The following EML5 variants were observed in gnomAD, a reference collection of about 807,000 sequenced individuals.
EML5 encodes EMAP like 5, also known as echinoderm microtubule-associated protein-like 5.
In EML5, 120 loss-of-function variants were observed where a neutral mutation model predicts 250.0. That is an observed-to-expected ratio of 0.48 (90% CI 0.41 to 0.56). The LOEUF is 0.56. Ranked by LOEUF, EML5 falls within the 20% of genes least tolerant of loss-of-function variation. EML5 has a pLI of 0.00. For missense variants in EML5, 2,006 were observed against 2,437.6 expected, an observed-to-expected ratio of 0.82 and a Z score of 3.73; for synonymous variants, 771 against 806.5, an observed-to-expected ratio of 0.96 and a Z score of 0.75.
At chr14:88,724,127 T>A (rs796953944) in intron 8 of EML5, among the ~76,000 whole-genome samples, 6 of 119,944 alleles carry the variant, frequency 5.0e-5, no homozygotes, top group East Asian at 2.9e-4. Flanking sequence ...AAAAAAAAAA[T>A]AGCTTGGCGT....
Position 88,663,037 on chromosome 14 carries a change from G to C in EML5, c.3492C>G (p.Ser1164Arg), listed in dbSNP as rs1337117801. ...APRGKKQTIP[S>R]VEVEKIAWAS... Reference sequence around the variant, plus strand: ...AGCACCACTGTTGTCCTACCTCCACGCTGGGGATGGTTTGTTTTTTCCCTC... The same window carrying C: ...AGCACCACTGTTGTCCTACCTCCACCCTGGGGATGGTTTGTTTTTTCCCTC... The change falls in exon 24 of 44, where the codon AGC becomes AGG. Residue 1164 changes from serine (S) to arginine (R), a missense_variant. Physicochemically the swap from Ser to Arg is moderately radical, Grantham distance 110. Coordinates refer to ENST00000554922, the MANE Select transcript of EML5 (RefSeq NM_183387.3). 2 of 1,550,500 alleles carry C rather than the reference G, an allele frequency of 1.3e-6. No individual in the cohort carries two copies. The highest frequency in any genetic ancestry group is 2.4e-5 in the East Asian group (1 of 40,926).
At chr14:88,719,461 C>T (rs892438301) in intron 8 of EML5, among the ~76,000 whole-genome samples, 4 of 152,176 alleles carry the variant, frequency 2.6e-5, no homozygotes, top group African/African-American at 9.6e-5. Context: ...GGAAACCTTA[C>T]TCCATCTTCA....
chr14:88,731,994 A>T (rs1478435889), intron 7 of EML5, among the ~76,000 whole-genome samples: 1 of 151,948 alleles, frequency 6.6e-6, no homozygotes, highest in Non-Finnish European at 1.5e-5. Flanking sequence ...GAGTGCAAAA[A>T]TTTTCTCCCA....
At chr14:88,712,504 T>A in intron 9 of EML5, 21 bp from the exon 10 acceptor site, 1 of 1,578,292 alleles carries the variant, frequency 6.3e-7, no homozygotes. Context: ...ATCAGAGTCT[T>A]AATTTAAAAA....
intron 19 of EML5, among the ~76,000 whole-genome samples, chr14:88,685,606 C>T (rs142163176): frequency 6.9e-4 from 105 of 152,108 alleles, no homozygotes; most frequent in African/African-American, 2.4e-3. Context: ...AACCCACATA[C>T]ATCATTCCAT....
At chr14:88,719,518 GTC>G (rs1186465911) in intron 8 of EML5, among the ~76,000 whole-genome samples, 2 of 152,176 alleles carry the variant, frequency 1.3e-5, no homozygotes, top group African/African-American at 4.8e-5. Flanking sequence ...CTATTATGAA[GTC>G]TCTCTCACTA....
chr14:88,726,551 G>C lies in EML5; in HGVS notation c.1177C>G (p.Leu393Val). 1 of 1,606,066 alleles carries C rather than the reference G, an allele frequency of 6.2e-7. No homozygotes were observed. The highest frequency in any genetic ancestry group is 2.2e-5 in the East Asian group (1 of 44,720). The stretch of plus-strand genomic sequence containing the variant: ...ACCCTAATACCATACCTTACTCTAA[G>C]TACAGTGAATGAGCCATCCTTCATT... ...LGMKDGSFTV[L>V]RVRDMTEVVH... Residue 393 changes from leucine (L) to valine (V), a missense_variant, in exon 8 of 44, where the codon CTT becomes GTT. Physicochemically the swap from Leu to Val is conservative, Grantham distance 32. Around this residue, in one of 7 missense-constraint regions of EML5, gnomAD observed 1,375 missense variants for 1,590.3 expected, o/e 0.86. Coordinates refer to ENST00000554922, the MANE Select transcript of EML5 (RefSeq NM_183387.3).
rs1232117607 is a variant in EML5 at position 88,712,523 on chromosome 14, A to C, written c.1445-40T>G. ...GAGTCTTAATTTAAAAAGTTATTTC[A>C]TTTGATTTTCTCAAGCCTAAACTGT... On this transcript the variant is annotated intron_variant, in intron 9 of 43. Transcript: ENST00000554922. 2.0e-6 allele frequency: 3 copies of C among 1,531,716 alleles called. No homozygotes were observed. The East Asian group carries it at 7.0e-5, about 36-fold the overall frequency. The allele number at this position is 1,531,716 out of a possible 1,614,324, so 94.9% of individuals were successfully genotyped here. A position where few individuals can be genotyped will look rare whatever the true frequency, so the allele number is the denominator to read the frequency against.
intron 29 of EML5, among the ~76,000 whole-genome samples, chr14:88,645,875 T>C (rs1426500322): frequency 9.9e-5 from 15 of 152,246 alleles, no homozygotes; most frequent in Admixed American, 9.8e-4. Context: ...GTTCAGGATC[T>C]ATTTATAATG....
intron 21 of EML5, among the ~76,000 whole-genome samples, chr14:88,679,048 T>C (rs1411293490): frequency 6.6e-6 from 1 of 151,720 alleles, no homozygotes; most frequent in Non-Finnish European, 1.5e-5. Flanking sequence ...GGTACATCAC[T>C]CCAATCCTCT....
chr14:88,678,612 C>G (rs1324412632), intron 21 of EML5, among the ~76,000 whole-genome samples: 1 of 152,024 alleles, frequency 6.6e-6, no homozygotes, highest in Non-Finnish European at 1.5e-5. Flanking sequence ...TTCCAAAATA[C>G]TCATAGTGAT....
chr14:88,761,571 C>A (rs2094244195), intron 1 of EML5, among the ~76,000 whole-genome samples: 1 of 152,148 alleles, frequency 6.6e-6, no homozygotes, highest in Non-Finnish European at 1.5e-5. Flanking sequence ...GTGTATGTGC[C>A]ACATTTTCTT....
At position 88,620,189 on chromosome 14, in the gene EML5, C is replaced by G. The variant is rs940499440; in HGVS notation, c.5375+565G>C. On this transcript the variant is annotated intron_variant, in intron 39 of 43. Coordinates refer to ENST00000554922, the MANE Select transcript of EML5 (RefSeq NM_183387.3). The surrounding 1 kb of genome is among the most constrained non-coding windows in gnomAD (Gnocchi z 4.3). Reference sequence around the variant, plus strand: ...TGATGAAAAGTGTACAAGCTTTTGACAGACCTAGATTCAATAATCTTATCT... The same window carrying G: ...TGATGAAAAGTGTACAAGCTTTTGAGAGACCTAGATTCAATAATCTTATCT... 6 of 152,216 alleles carry G rather than the reference C, an allele frequency of 3.9e-5. No individual in the cohort carries two copies. The highest frequency in any genetic ancestry group is 8.8e-5 in the Non-Finnish European group (6 of 68,048). The allele number at this position is 152,216 out of a possible 1,614,324, so 9.4% of individuals were successfully genotyped here.
chr14:88,748,056 T>C (rs886070112), intron 2 of EML5, among the ~76,000 whole-genome samples: 2 of 152,108 alleles, frequency 1.3e-5, no homozygotes, highest in African/African-American at 2.4e-5. Context: ...TTCTAGACCA[T>C]GGCACAGAAA....
rs568471310 is a variant in EML5, at chr14:88,752,268, A to C, written c.357+2244T>G. ...AAAGGGCAAATTTAAAGCTAAGAAGAAAATATCTATATTTAATGTTATAGA... is the reference window on the plus strand; with the variant it reads ...AAAGGGCAAATTTAAAGCTAAGAAGCAAATATCTATATTTAATGTTATAGA... On this transcript the variant is annotated intron_variant, in intron 2 of 43. Transcript: ENST00000554922. Among the ~76,000 whole-genome samples the C allele has an allele frequency of 2.0e-5, 3 of 152,320 alleles. No individual in the cohort carries two copies. The South Asian group carries it at 6.2e-4, about 32-fold the overall frequency.
At chr14:88,643,419 T>C (rs1170928611) in intron 30 of EML5, among the ~76,000 whole-genome samples, 2 of 152,170 alleles carry the variant, frequency 1.3e-5, no homozygotes, top group Non-Finnish European at 2.9e-5. Flanking sequence ...CAATATTGTA[T>C]AACAAATATG....
rs186148559 is a variant in EML5, at chr14:88,641,162, G to A, written c.4237+1731C>T. ...AAGCCCTGGACCAGATGGATTCAGA[G>A]CTGAATTCTCCCAGACATACAAAGA... is the stretch of plus-strand genomic sequence containing the variant. On this transcript the variant is annotated intron_variant, in intron 31 of 43. Coordinates refer to ENST00000554922, the MANE Select transcript of EML5 (RefSeq NM_183387.3). Among the ~76,000 whole-genome samples the A allele has an allele frequency of 7.3e-3, 1,116 of 152,166 alleles. 13 individuals carry two copies. Among genetic ancestry groups the A allele is most frequent in the African/African-American group, 0.025 (1,059 of 41,538 alleles).
chr14:88,644,599 C>A, intron 29 of EML5, 88 bp from the exon 30 acceptor site: 1 of 1,155,948 alleles, frequency 8.7e-7, no homozygotes, highest in South Asian at 1.3e-5. Flanking sequence ...AGAGAGGTGT[C>A]TTGTCACACC....
intron 10 of EML5, among the ~76,000 whole-genome samples, chr14:88,707,052 GCCT>G (rs1225401685): frequency 3.9e-5 from 6 of 152,046 alleles, no homozygotes; most frequent in Non-Finnish European, 8.8e-5. Context: ...TTTGTCTAAT[GCCT>G]CCTCATGATT....
Sources: allele counts gnomAD v4.1 joint callset (sites outside exome capture counted in the v4.1 genomes callset), GRCh38; gene constraint gnomAD v4.1.1; regional missense constraint gnomAD v4.1.1; non-coding constraint Gnocchi (gnomAD v3.1); transcripts MANE v1.5; gene names NCBI Gene and HGNC (gene_info 2026-07-23, HGNC 2026-07-21).